The following ACTN2 variants were observed in gnomAD, a reference collection of about 807,000 sequenced individuals.
ACTN2 encodes actinin alpha 2, also known as alpha-actinin-2.
A neutral mutation model predicts 113.8 loss-of-function variants in ACTN2; 39 were observed. The observed-to-expected ratio is 0.34, with a 90% confidence interval of 0.27 to 0.45. The LOEUF (loss-of-function observed/expected upper bound fraction) is 0.45. Among genes scored for constraint, ACTN2 ranks in the 20% least tolerant of loss-of-function variants. The pLI, the probability that ACTN2 is intolerant of heterozygous loss-of-function variation, is 1.00. For synonymous variants in ACTN2, 429 were observed against 444.1 expected, an observed-to-expected ratio of 0.97 and a Z score of 0.43; for missense variants, 992 against 1,177.9, an observed-to-expected ratio of 0.84 and a Z score of 2.31.
chr1:236,755,034 T>G lies in ACTN2; in HGVS notation c.1990T>G (p.Ser664Ala). 6.2e-7 allele frequency: 1 copy of G among 1,614,156 alleles called. No homozygotes were observed. The highest frequency in any genetic ancestry group is 1.1e-5 in the South Asian group (1 of 91,082). The change falls in exon 17 of 21, where the codon TCC becomes GCC. Residue 664 changes from serine to alanine, a missense_variant. Ser to Ala is a moderately conservative substitution (Grantham distance 99, BLOSUM62 1). Coordinates refer to ENST00000366578, the MANE Select transcript of ACTN2 (RefSeq NM_001103.4). ...QNKMEEIARSSIQITGALEDQ... is the reference protein window; with the variant it reads ...QNKMEEIARSAIQITGALEDQ... Reference sequence around the variant, plus strand: ...CCCCCCTCAGGAGATTGCCCGGAGCTCCATCCAGATCACAGGAGCCCTGGA... The same window carrying G: ...CCCCCCTCAGGAGATTGCCCGGAGCGCCATCCAGATCACAGGAGCCCTGGA...
Position 236,757,565 on chromosome 1 carries a change from G to C in ACTN2, c.2234G>C (p.Arg745Thr), listed in dbSNP as rs1457274909. 1.2e-6 allele frequency: 2 copies of C among 1,614,050 alleles called. No homozygotes were observed. Among genetic ancestry groups the C allele is most frequent in the Admixed American group, 3.3e-5 (2 of 59,998 alleles). ...INEVETQILT[R>T]DAKGITQEQM... Reference sequence around the variant, plus strand: ...GAGGTGGAGACTCAGATCCTGACGAGAGATGCGAAGGGCATCACCCAGGAG... The same window carrying C: ...GAGGTGGAGACTCAGATCCTGACGACAGATGCGAAGGGCATCACCCAGGAG... Residue 745 changes from arginine to threonine, a missense_variant, in exon 18 of 21, where the codon AGA becomes ACA. By Grantham distance (71) the Arg-to-Thr change is moderately conservative. Transcript: ENST00000366578.
intron 14 of ACTN2, 66 bp downstream of exon 14, chr1:236,749,330 C>T (rs2102936713): frequency 1.3e-6 from 2 of 1,595,652 alleles, no homozygotes; most frequent in South Asian, 2.3e-5. Context: ...ACTTAAGAGT[C>T]CTGTTATTTG....
intron 1 of ACTN2, among the ~76,000 whole-genome samples, chr1:236,716,693 T>TA (rs1409733658): frequency 6.6e-6 from 1 of 152,112 alleles, no homozygotes; most frequent in Non-Finnish European, 1.5e-5. Flanking sequence ...CAAATTTGTT[T>TA]AATTGATTTA....
At chr1:236,696,231 G>A (rs987667636) in intron 1 of ACTN2, among the ~76,000 whole-genome samples, 1 of 151,332 alleles carries the variant, frequency 6.6e-6, no homozygotes, top group Non-Finnish European at 1.5e-5. Context: ...CATTGGAATT[G>A]GAGTGAGTGA....
chr1:236,761,120 A>G lies in ACTN2; in HGVS notation c.2473A>G (p.Thr825Ala). 6.2e-7 allele frequency: 1 copy of G among 1,614,214 alleles called. No homozygotes were observed. ...IDFMTRETAD[T>A]DTAEQVIASF... ...CTTCATGACTAGAGAGACGGCTGAC[A>G]CCGACACTGCCGAGCAGGTCATCGC... Residue 825 changes from threonine (T) to alanine (A), a missense_variant, in exon 20 of 21, where the codon ACC becomes GCC. By Grantham distance (58) the Thr-to-Ala change is moderately conservative. Around this residue, in one of 3 missense-constraint regions of ACTN2, gnomAD observed 736 missense variants for 815.4 expected, o/e 0.90. Transcript: ENST00000366578.
intron 1 of ACTN2, among the ~76,000 whole-genome samples, chr1:236,715,667 G>A (rs1366464790): frequency 6.6e-6 from 1 of 152,066 alleles, no homozygotes; most frequent in Non-Finnish European, 1.5e-5. Context: ...TAAAGTATAT[G>A]GCTTAAGACC....
chr1:236,712,505 T>A (rs1658056928), intron 1 of ACTN2, among the ~76,000 whole-genome samples: 1 of 152,194 alleles, frequency 6.6e-6, no homozygotes, highest in Non-Finnish European at 1.5e-5. Flanking sequence ...TTACCTATGG[T>A]AAATTACCTT....
At position 236,709,238 on chromosome 1, in the gene ACTN2, A is replaced by G. The variant is rs1455462715; in HGVS notation, c.127-8620A>G. Reference sequence around the variant, plus strand: ...AATGACTGTATATATATATATATATATATATATATATATATATACACACAC... The same window carrying G: ...AATGACTGTATATATATATATATATGTATATATATATATATATACACACAC... On this transcript the variant is annotated intron_variant, in intron 1 of 20. Coordinates refer to ENST00000366578, the MANE Select transcript of ACTN2 (RefSeq NM_001103.4). Among the ~76,000 whole-genome samples the G allele has an allele frequency of 7.2e-5, 6 of 83,824 alleles. No homozygotes were observed. The East Asian group carries it at 1.5e-3, about 21-fold the overall frequency. 55.0% of individuals were successfully genotyped at this position (83,824 alleles called of 152,430 possible). A position where few individuals can be genotyped will look rare whatever the true frequency, so the allele number is the denominator to read the frequency against.
intron 1 of ACTN2, among the ~76,000 whole-genome samples, chr1:236,716,224 C>T (rs1341060207): frequency 6.6e-6 from 1 of 150,872 alleles, no homozygotes; most frequent in African/African-American, 2.4e-5. Flanking sequence ...GACACTTTGT[C>T]TTTCTGTAGT....
At position 236,747,563 on chromosome 1, in the gene ACTN2, T is replaced by C. The variant is rs10802557; in HGVS notation, c.1407-104T>C. ...TATGTCCATGTGGATACATTTCAGATGTTTTTGTTTTTAAACTTCCCTGTT... is the reference window on the plus strand; with the variant it reads ...TATGTCCATGTGGATACATTTCAGACGTTTTTGTTTTTAAACTTCCCTGTT... On this transcript the variant is annotated intron_variant, in intron 12 of 20. Transcript: ENST00000366578. 289,930 of 970,936 alleles carry C rather than the reference T, an allele frequency of 0.3. 44,636 individuals carry two copies. The highest frequency in any genetic ancestry group is 0.45 in the East Asian group (17,037 of 37,890). The allele number at this position is 970,936 out of a possible 1,614,324, so 60.1% of individuals were successfully genotyped here. A position where few individuals can be genotyped will look rare whatever the true frequency, so the allele number is the denominator to read the frequency against.
chr1:236,747,705 G>A lies in ACTN2; in HGVS notation c.1445G>A (p.Arg482Gln), dbSNP rs778023612. The A allele has an allele frequency of 1.7e-5, 28 of 1,613,956 alleles. No individual in the cohort carries two copies. Among genetic ancestry groups the A allele is most frequent in the Admixed American group, 6.7e-5 (4 of 60,006 alleles). ...CACGACGCTGTGAATGTCAATGATCGGTGCCAGAAAATTTGTGACCAGTGG... is the reference window on the plus strand; with the variant it reads ...CACGACGCTGTGAATGTCAATGATCAGTGCCAGAAAATTTGTGACCAGTGG... ...DYHDAVNVND[R>Q]CQKICDQWDR... is the part of the protein sequence containing the mutation. The change falls in exon 13 of 21, where the codon CGG (arginine) becomes CAG (glutamine). Residue 482 changes from arginine (R) to glutamine (Q), a missense_variant. This residue lies in a region of ACTN2 where 736 missense variants were observed against 815.4 expected (regional missense o/e 0.90). Coordinates refer to ENST00000366578, the MANE Select transcript of ACTN2 (RefSeq NM_001103.4).
In ACTN2 at chr1:236,762,449, A is replaced by AT. The variant is rs1558252756; in HGVS notation, c.2527-6dup. On this transcript the variant is annotated splice_polypyrimidine_tract_variant and intron_variant, in intron 20 of 20. Coordinates refer to ENST00000366578, the MANE Select transcript of ACTN2 (RefSeq NM_001103.4). ...TGCAACTGACTGCAAACACGTGTGT[A>AT]TTTTTTCCCAGCCATACATCCTGGC... 7 of 1,613,866 alleles carry AT rather than the reference A, an allele frequency of 4.3e-6. No individual in the cohort carries two copies. Among genetic ancestry groups the AT allele is most frequent in the African/African-American group, 2.7e-5 (2 of 74,918 alleles).
At chr1:236,729,595 C>T (rs1464002328) in intron 6 of ACTN2, among the ~76,000 whole-genome samples, 1 of 152,180 alleles carries the variant, frequency 6.6e-6, no homozygotes, top group Non-Finnish European at 1.5e-5. Context: ...TGCCCCCAGC[C>T]TGCCTCCATG....
intron 14 of ACTN2, among the ~76,000 whole-genome samples, chr1:236,750,429 C>G (rs980315043): frequency 6.6e-6 from 1 of 152,186 alleles, no homozygotes; most frequent in African/African-American, 2.4e-5. Context: ...CACAGGCCAA[C>G]AGTCTAAAAT....
chr1:236,692,803 T>C (rs1024030021), intron 1 of ACTN2, among the ~76,000 whole-genome samples: 7 of 151,732 alleles, frequency 4.6e-5, no homozygotes, highest in Non-Finnish European at 7.4e-5. Context: ...TTCCAGAGTG[T>C]GGGAGGAGGA....
chr1:236,695,555 A>C (rs1471722638), intron 1 of ACTN2, among the ~76,000 whole-genome samples: 2 of 85,288 alleles, frequency 2.3e-5, no homozygotes, highest in Admixed American at 2.7e-4. Flanking sequence ...ATTTGATTTG[A>C]AATGAGTTCC....
chr1:236,687,525 T>TA (rs1245830359), intron 1 of ACTN2, among the ~76,000 whole-genome samples: 3 of 152,338 alleles, frequency 2.0e-5, no homozygotes, highest in African/African-American at 7.2e-5. Context: ...TCCCGCCTCT[T>TA]ACTTGACTAG....
At chr1:236,733,094 T>C (rs1032001848) in intron 7 of ACTN2, among the ~76,000 whole-genome samples, 103 of 152,232 alleles carry the variant, frequency 6.8e-4, no homozygotes, top group African/African-American at 2.4e-3. Flanking sequence ...AGTAGGAACA[T>C]AGGAAATTTC....
chr1:236,727,860 T>C (rs1658599945), intron 6 of ACTN2, 104 bp downstream of exon 6: 2 of 1,090,118 alleles, frequency 1.8e-6, no homozygotes, highest in African/African-American at 1.5e-5. Context: ...CAGGGCCACC[T>C]GCAGAAACGG....
Sources: gnomAD v4.1 joint callset for allele counts (sites outside exome capture counted in the v4.1 genomes callset) on GRCh38, gnomAD v4.1.1 for gene constraint, gnomAD v4.1.1 regional missense constraint, MANE v1.5 for transcripts, NCBI Gene and HGNC (gene_info 2026-07-23, HGNC 2026-07-21) for gene names.